The following TSHZ3 variants were observed in gnomAD, a reference collection of about 807,000 sequenced individuals.
TSHZ3 encodes the protein teashirt homolog 3.
TSHZ3 carries 10 observed loss-of-function variants against 64.5 expected under a neutral mutation model. The ratio of observed to expected loss-of-function variants is 0.16; its 90% CI spans 0.10 to 0.26. The LOEUF (loss-of-function observed/expected upper bound fraction) is 0.26. Ranked by LOEUF, TSHZ3 falls within the 10% of genes least tolerant of loss-of-function variation. TSHZ3 has a pLI of 1.00. For synonymous variants in TSHZ3, 608 were observed against 593.1 expected (o/e 1.03, Z -0.36); for missense variants, 1,242 against 1,421.7 (o/e 0.87, Z 2.03).
intron 3 of TSHZ3, among the ~76,000 whole-genome samples, chr19:31,235,614 T>C: frequency 6.9e-6 from 1 of 144,522 alleles, no homozygotes; most frequent in Non-Finnish European, 1.5e-5. Context: ...CTTTCTTTCT[T>C]TCCTCTTTCT....
chr19:31,165,341 G>C (rs1974433306), intron 5 of TSHZ3, among the ~76,000 whole-genome samples: 3 of 152,226 alleles, frequency 2.0e-5, no homozygotes, highest in African/African-American at 7.2e-5. Context: ...ACCTTGGTGT[G>C]TAGGATTTTT....
rs1307321528 is a variant in TSHZ3 at position 31,277,210 on chromosome 19, T to C, written c.2583A>G (p.Lys861=). 6.2e-7 allele frequency: 1 copy of C among 1,614,134 alleles called. No individual in the cohort carries two copies. The highest frequency in any genetic ancestry group is 1.1e-5 in the South Asian group (1 of 91,070). ...CGGAGATGCTGGAAGGAGTGGAGGA[T>C]TTTGACGTGTGGCTCTCTGTCAAGT... ...LKNLTESHTS[K]SSTPSSISEK... The change falls in exon 2 of 2, where the codon AAA becomes AAG. Residue 861 remains lysine (K), a synonymous_variant. Transcript: ENST00000240587. This position sits in a 1 kb window ranked among gnomAD's most constrained non-coding sequence, Gnocchi z 4.5.
chr19:31,278,706 T>G lies in TSHZ3; in HGVS notation c.1087A>C (p.Asn363His), dbSNP rs1568367277. ...QKNSNPYITPNNRYGHQNGAS... is the reference protein window; with the variant it reads ...QKNSNPYITPHNRYGHQNGAS... ...CCATTCTGGTGGCCGTACCGATTAT[T>G]TGGCGTGATGTAAGGGTTGGAGTTC... The change falls in exon 2 of 2, where the codon AAT (asparagine) becomes CAT (histidine). Residue 363 changes from asparagine to histidine, a missense_variant. By Grantham distance (68) the Asn-to-His change is moderately conservative. Transcript: ENST00000240587. The surrounding 1 kb of genome is among the most constrained non-coding windows in gnomAD (Gnocchi z 4.7). The G allele has an allele frequency of 1.2e-6, 2 of 1,614,142 alleles. No individual in the cohort carries two copies. The highest frequency in any genetic ancestry group is 1.7e-6 in the Non-Finnish European group (2 of 1,180,036).
intron 1 of TSHZ3, among the ~76,000 whole-genome samples, chr19:31,301,815 C>A (rs556365174): frequency 1.3e-5 from 2 of 152,130 alleles, no homozygotes; most frequent in East Asian, 3.9e-4. Context: ...CTCTGCTGTA[C>A]GTTTTACCTA....
chr19:31,175,132 CA>C (rs1433655801), intron 5 of TSHZ3, among the ~76,000 whole-genome samples: 5 of 152,140 alleles, frequency 3.3e-5, no homozygotes, highest in African/African-American at 7.2e-5. Flanking sequence ...GGCAATGGCC[CA>C]GTTCATCATG....
chr19:31,227,299 G>A (rs1008369095), intron 4 of TSHZ3, among the ~76,000 whole-genome samples: 1 of 151,526 alleles, frequency 6.6e-6, no homozygotes, highest in African/African-American at 2.4e-5. Flanking sequence ...TTTCAAAATT[G>A]TCTGGTCATA....
At chr19:31,297,946 C>A (rs1326995487) in intron 1 of TSHZ3, among the ~76,000 whole-genome samples, 1 of 152,192 alleles carries the variant, frequency 6.6e-6, no homozygotes, top group Non-Finnish European at 1.5e-5. Flanking sequence ...GAAATGCTCA[C>A]CCTCTGCAGA....
At position 31,349,375 on chromosome 19, in the gene TSHZ3, G is replaced by A; in HGVS notation, c.-156C>T. The A allele has an allele frequency of 3.6e-6, 2 of 554,400 alleles. No homozygotes were observed. The highest frequency in any genetic ancestry group is 4.7e-5 in the South Asian group (1 of 21,280). 34.3% of individuals were successfully genotyped at this position (554,400 alleles called of 1,614,324 possible). A position where few individuals can be genotyped will look rare whatever the true frequency, so the allele number is the denominator to read the frequency against. On this transcript the variant is annotated 5_prime_UTR_variant, in exon 1 of 2. Transcript: ENST00000240587. The stretch of plus-strand genomic sequence containing the variant: ...GCCCGCAGGATGCTGCTGCGCCCAG[G>A]CTCTCCGCGTCCCCCCCGCGCCGCG...
chr19:31,304,754 T>C (rs1046273112), intron 1 of TSHZ3, among the ~76,000 whole-genome samples: 12 of 152,212 alleles, frequency 7.9e-5, no homozygotes, highest in Admixed American at 7.2e-4. Context: ...TAAGGTAGTT[T>C]GTAAAAATTA....
intron 1 of TSHZ3, among the ~76,000 whole-genome samples, chr19:31,347,183 G>T (rs2021542956): frequency 8.6e-6 from 1 of 116,514 alleles, no homozygotes; most frequent in Non-Finnish European, 1.8e-5. Context: ...TTCCTGGCTG[G>T]CTTTCTTTAA....
At chr19:31,262,623 CCT>C (rs1555730970) in intron 1 of TSHZ3, among the ~76,000 whole-genome samples, 3 of 151,336 alleles carry the variant, frequency 2.0e-5, no homozygotes, top group African/African-American at 4.9e-5. Flanking sequence ...TTTTTTTATC[CCT>C]GTTTCTTGAA....
intron 1 of TSHZ3, among the ~76,000 whole-genome samples, chr19:31,258,921 C>G (rs1975949386): frequency 6.6e-6 from 1 of 152,230 alleles, no homozygotes; most frequent in Non-Finnish European, 1.5e-5. Context: ...TGTGAGTCCT[C>G]TGTGAGTCCC....
intron 4 of TSHZ3, among the ~76,000 whole-genome samples, chr19:31,218,792 GA>G (rs1201680819): frequency 6.6e-6 from 1 of 152,188 alleles, no homozygotes; most frequent in African/African-American, 2.4e-5. Context: ...TGGGGTGGGG[GA>G]AGCCAGTGTA....
At chr19:31,228,805 G>A (rs1273288298) in intron 3 of TSHZ3, among the ~76,000 whole-genome samples, 1 of 152,174 alleles carries the variant, frequency 6.6e-6, no homozygotes, top group Non-Finnish European at 1.5e-5. Flanking sequence ...GTCAGTGACT[G>A]CAGGGTCATT....
At chr19:31,215,850 G>A (rs939720282) in intron 4 of TSHZ3, among the ~76,000 whole-genome samples, 13 of 151,982 alleles carry the variant, frequency 8.6e-5, no homozygotes, top group Admixed American at 7.2e-4. Context: ...CAGCCTTGGC[G>A]ACAAAGCGAG....
At chr19:31,264,941 G>A (rs1420167847) in intron 1 of TSHZ3, among the ~76,000 whole-genome samples, 1 of 152,276 alleles carries the variant, frequency 6.6e-6, no homozygotes, top group East Asian at 1.9e-4. Context: ...TGGGCAGAGA[G>A]GCCCACTCTG....
chr19:31,232,708 AC>A (rs1365706379), intron 3 of TSHZ3, among the ~76,000 whole-genome samples: 4 of 152,034 alleles, frequency 2.6e-5, no homozygotes, highest in African/African-American at 9.7e-5. Flanking sequence ...AAAGTCAGTG[AC>A]CTCCATCCTA....
chr19:31,194,294 C>G (rs1357793728), intron 5 of TSHZ3, among the ~76,000 whole-genome samples: 1 of 152,206 alleles, frequency 6.6e-6, no homozygotes, highest in Non-Finnish European at 1.5e-5. Context: ...AAAATCCCCT[C>G]ATGCTTCTGG....
chr19:31,181,467 C>T (rs1157885678), intron 5 of TSHZ3, among the ~76,000 whole-genome samples: 1 of 152,146 alleles, frequency 6.6e-6, no homozygotes, highest in Non-Finnish European at 1.5e-5. Flanking sequence ...TTTAGAATCC[C>T]TCTGCAGTAG....
Sources: allele counts gnomAD v4.1 joint callset (sites outside exome capture counted in the v4.1 genomes callset), GRCh38; gene constraint gnomAD v4.1.1; non-coding constraint Gnocchi (gnomAD v3.1); transcripts MANE v1.5; gene names NCBI Gene and HGNC (gene_info 2026-07-23, HGNC 2026-07-21).